Variants in EP300 observed in about 807,000 individuals in gnomAD.
The protein encoded by EP300 is EP300 lysine acetyltransferase.
A neutral mutation model predicts 264.0 loss-of-function variants in EP300; 31 were observed. The ratio of observed to expected loss-of-function variants is 0.12; its 90% confidence interval spans 0.09 to 0.16. EP300 has a LOEUF of 0.16. Ranked by LOEUF, EP300 falls within the 10% of genes least tolerant of loss-of-function variation. The pLI is 1.00. For missense variants in EP300, 2,766 were observed against 3,052.9 expected, an observed-to-expected ratio of 0.91 and a Z score of 2.21; for synonymous variants, 1,340 against 1,045.4, an observed-to-expected ratio of 1.28 and a Z score of -5.44.
In EP300 at chr22:41,169,491, C is replaced by G. The variant is rs767850255; in HGVS notation, c.4173-12C>G. 6.4e-7 allele frequency: 1 copy of G among 1,556,070 alleles called. No individual in the cohort carries two copies. Among genetic ancestry groups the G allele is most frequent in the Non-Finnish European group, 8.8e-7 (1 of 1,130,664 alleles). On this transcript the variant is annotated splice_polypyrimidine_tract_variant and intron_variant, in intron 25 of 30. Transcript: ENST00000263253. ...TTTTTTTTTCCTCTTCATTTCTCTT[C>G]ATTTTGTATAGGAGAGTATACATAT...
intron 29 of EP300, among the ~76,000 whole-genome samples, chr22:41,175,501 T>G (rs9623344): frequency 0.028 from 4,303 of 152,312 alleles, 191 homozygotes; most frequent in African/African-American, 0.099. Flanking sequence ...TTTTCAAACT[T>G]CAATGAACAA....
intron 2 of EP300, among the ~76,000 whole-genome samples, chr22:41,119,178 T>TTATTA (rs1555906149): frequency 0.041 from 1,455 of 35,564 alleles, 23 homozygotes; most frequent in East Asian, 0.16. Context: ...TATTATTATT[T>TTATTA]TTTTTTTTTT....
intron 29 of EP300, 198 bp from the exon 30 acceptor site, chr22:41,176,049 G>C: frequency 1.6e-6 from 1 of 628,406 alleles, no homozygotes; most frequent in Non-Finnish European, 2.8e-6. Flanking sequence ...GCGAAGCCTC[G>C]TCTCTACAAA....
intron 1 of EP300, among the ~76,000 whole-genome samples, chr22:41,111,564 C>T (rs143940331): frequency 4.6e-5 from 7 of 151,850 alleles, no homozygotes; most frequent in East Asian, 1.9e-4. Flanking sequence ...TGTTTTGAGA[C>T]GGAGTTTTGC....
Position 41,177,742 on chromosome 22 carries a change from C to G in EP300, c.6031C>G (p.Pro2011Ala). ...PQPQQLQSGM[P>A]RPAMMSVAQH... Reference sequence around the variant, plus strand: ...GCCCCAGCAACTACAGTCTGGGATGCCAAGGCCAGCCATGATGTCAGTGGC... The same window carrying G: ...GCCCCAGCAACTACAGTCTGGGATGGCAAGGCCAGCCATGATGTCAGTGGC... Residue 2011 changes from proline to alanine, a missense_variant, in exon 31 of 31, where the codon CCA becomes GCA. Transcript: ENST00000263253. The G allele has an allele frequency of 6.2e-7, 1 of 1,613,838 alleles. No homozygotes were observed. The highest frequency in any genetic ancestry group is 8.5e-7 in the Non-Finnish European group (1 of 1,180,026).
intron 29 of EP300, among the ~76,000 whole-genome samples, chr22:41,174,061 G>A (rs912120866): frequency 1.3e-5 from 2 of 152,102 alleles, no homozygotes. Context: ...AGTGAGCCGA[G>A]GTCACTCCAT....
chr22:41,175,889 G>A (rs1041467550), intron 29 of EP300, among the ~76,000 whole-genome samples: 7 of 152,208 alleles, frequency 4.6e-5, no homozygotes, highest in Non-Finnish European at 1.0e-4. Context: ...GGAACAGGAG[G>A]CGTATGGTGG....
At chr22:41,108,540 T>A (rs1384734672) in intron 1 of EP300, among the ~76,000 whole-genome samples, 1 of 152,178 alleles carries the variant, frequency 6.6e-6, no homozygotes, top group Admixed American at 6.6e-5. Flanking sequence ...TGAGCCACGG[T>A]GCCCAACCTA....
At chr22:41,137,333 G>A (rs944036704) in intron 7 of EP300, among the ~76,000 whole-genome samples, 1 of 140,002 alleles carries the variant, frequency 7.1e-6, no homozygotes, top group African/African-American at 2.6e-5. Flanking sequence ...GTCCAGCCTG[G>A]GCAACAGAGC....
intron 23 of EP300, chr22:41,168,204 T>C (rs550294215): frequency 5.8e-6 from 3 of 516,060 alleles, no homozygotes; most frequent in East Asian, 3.5e-5. Context: ...TTAGAAATTA[T>C]TGAGTACTGT....
chr22:41,095,130 C>A (rs761382312), intron 1 of EP300, among the ~76,000 whole-genome samples: 1 of 151,220 alleles, frequency 6.6e-6, no homozygotes, highest in Non-Finnish European at 1.5e-5. Context: ...CTTTGGTGTA[C>A]GGTTTTTAAT....
chr22:41,177,756 G>T lies in EP300; in HGVS notation c.6045G>T (p.Met2015Ile), dbSNP rs753072432. 20 of 1,613,812 alleles carry T rather than the reference G, an allele frequency of 1.2e-5. No homozygotes were observed. Among genetic ancestry groups the T allele is most frequent in the African/African-American group, 2.7e-5 (2 of 74,914 alleles). Residue 2015 changes from methionine to isoleucine, a missense_variant, in exon 31 of 31, where the codon ATG (methionine) becomes ATT (isoleucine). Coordinates refer to ENST00000263253, the MANE Select transcript of EP300 (RefSeq NM_001429.4). ...QLQSGMPRPA[M>I]MSVAQHGQPL... is the part of the protein sequence containing the mutation. ...AGTCTGGGATGCCAAGGCCAGCCAT[G>T]ATGTCAGTGGCCCAGCATGGTCAAC...
At chr22:41,169,744 TCTTAA>T (rs1377207115) in intron 26 of EP300, 128 bp downstream of exon 26, 10 of 672,396 alleles carry the variant, frequency 1.5e-5, no homozygotes, top group Non-Finnish European at 1.9e-5. Context: ...GTAACAATTC[TCTTAA>T]CTTTGTTGGA....
chr22:41,115,446 T>C (rs1464302963), intron 1 of EP300, among the ~76,000 whole-genome samples: 1 of 152,186 alleles, frequency 6.6e-6, no homozygotes, highest in African/African-American at 2.4e-5. Flanking sequence ...TGTTTGTTCT[T>C]TTTTGAGACA....
In EP300 at chr22:41,126,038, A is replaced by G. The variant is rs749640819; in HGVS notation, c.904A>G (p.Met302Val). The change falls in exon 3 of 31, where the codon ATG (methionine) becomes GTG (valine). Residue 302 changes from methionine (M) to valine (V), a missense_variant and splice_region_variant. Coordinates refer to ENST00000263253, the MANE Select transcript of EP300 (RefSeq NM_001429.4). Reference sequence around the variant, plus strand: ...AGTTCCTGGTGGAGGAATGCCCAACATGGTGAGTACTAATCCATTACAGAC... The same window carrying G: ...AGTTCCTGGTGGAGGAATGCCCAACGTGGTGAGTACTAATCCATTACAGAC... ...KAVPGGGMPNMGQQPAPQVQQ... is the reference protein window; with the variant it reads ...KAVPGGGMPNVGQQPAPQVQQ... 1.9e-6 allele frequency: 3 copies of G among 1,614,046 alleles called. No individual in the cohort carries two copies. Among genetic ancestry groups the G allele is most frequent in the Non-Finnish European group, 2.5e-6 (3 of 1,179,916 alleles).
chr22:41,133,242 C>T (rs781310663), intron 6 of EP300, among the ~76,000 whole-genome samples: 3 of 149,070 alleles, frequency 2.0e-5, no homozygotes, highest in Admixed American at 6.8e-5. Context: ...CTGCAACTTC[C>T]GCCTCCTGGG....
chr22:41,102,332 G>GT (rs1216332405), intron 1 of EP300, among the ~76,000 whole-genome samples: 4 of 152,120 alleles, frequency 2.6e-5, no homozygotes, highest in Non-Finnish European at 5.9e-5. Context: ...TAACCCAGTA[G>GT]TTATCCTGGT....
rs374846633 is a variant in EP300, at chr22:41,161,855, T to C, written c.3672-868T>C. Among the ~76,000 whole-genome samples the C allele has an allele frequency of 7.3e-4, 111 of 152,316 alleles. 4 individuals are homozygous for C. In the South Asian group the frequency reaches 0.022, roughly 30 times the overall value. On this transcript the variant is annotated intron_variant, in intron 20 of 30. Coordinates refer to ENST00000263253, the MANE Select transcript of EP300 (RefSeq NM_001429.4). ...CTAAATTGCGTTCTAAAGATAGCAGTGTCTGGGTGCTAGCTAGGAGAGTAG... is the reference window on the plus strand; with the variant it reads ...CTAAATTGCGTTCTAAAGATAGCAGCGTCTGGGTGCTAGCTAGGAGAGTAG...
chr22:41,142,760 C>G (rs2058990235), intron 10 of EP300, among the ~76,000 whole-genome samples: 1 of 152,100 alleles, frequency 6.6e-6, no homozygotes, highest in African/African-American at 2.4e-5. Context: ...GTGGCGGGCA[C>G]CTGTAGTCCC....
Sources: allele counts gnomAD v4.1 joint callset (sites outside exome capture counted in the v4.1 genomes callset), GRCh38; gene constraint gnomAD v4.1.1; transcripts MANE v1.5; gene names NCBI Gene and HGNC (gene_info 2026-07-23, HGNC 2026-07-21).